Variants in ERBB4 observed in about 807,000 individuals in gnomAD.
The protein encoded by ERBB4 is receptor tyrosine-protein kinase erbB-4.
A neutral mutation model predicts 158.0 loss-of-function variants in ERBB4; 42 were observed. The observed-to-expected ratio is 0.27, with a 90% CI of 0.21 to 0.34. The LOEUF is 0.34. ERBB4 is among the 10% of genes least tolerant of loss of function. The pLI is 1.00. For missense variants in ERBB4, 1,333 were observed against 1,624.1 expected, an observed-to-expected ratio of 0.82 and a Z score of 3.08; for synonymous variants, 583 against 558.7, an observed-to-expected ratio of 1.04 and a Z score of -0.61.
intron 1 of ERBB4, among the ~76,000 whole-genome samples, chr2:212,515,645 T>C (rs1213935387): frequency 6.6e-6 from 1 of 151,948 alleles, no homozygotes; most frequent in Non-Finnish European, 1.5e-5. Flanking sequence ...CACTAGTATA[T>C]TGATATTCAA....
At chr2:212,160,487 A>C (rs1018556521) in intron 1 of ERBB4, among the ~76,000 whole-genome samples, 1 of 152,016 alleles carries the variant, frequency 6.6e-6, no homozygotes, top group African/African-American at 2.4e-5. Context: ...CACACACACA[A>C]AAAGTCTTAT....
At chr2:211,563,539 T>A (rs1419119641) in intron 19 of ERBB4, among the ~76,000 whole-genome samples, 1 of 152,194 alleles carries the variant, frequency 6.6e-6, no homozygotes, top group East Asian at 1.9e-4. Context: ...CAATGTTGCA[T>A]CTTTGGCTCT....
intron 1 of ERBB4, among the ~76,000 whole-genome samples, chr2:212,191,569 C>CGTGTT (rs1559701303): frequency 1.1e-3 from 26 of 23,002 alleles, no homozygotes; most frequent in African/African-American, 2.0e-3. Context: ...ATATATAACA[C>CGTGTT]ATGTGTTATG....
intron 4 of ERBB4, among the ~76,000 whole-genome samples, chr2:211,762,646 G>A (rs1245099562): frequency 6.6e-6 from 1 of 152,162 alleles, no homozygotes; most frequent in Non-Finnish European, 1.5e-5. Flanking sequence ...GGTCCCTGAG[G>A]AACTGTAACC....
At chr2:212,517,818 G>A (rs1691930031) in intron 1 of ERBB4, among the ~76,000 whole-genome samples, 2 of 152,034 alleles carry the variant, frequency 1.3e-5, no homozygotes, top group African/African-American at 4.8e-5. Context: ...TGTGTGGAGT[G>A]TTATTTATTT....
At chr2:211,818,222 G>A (rs763956289) in intron 3 of ERBB4, among the ~76,000 whole-genome samples, 14 of 152,052 alleles carry the variant, frequency 9.2e-5, no homozygotes, top group Non-Finnish European at 1.9e-4. Context: ...CTATGTTTAA[G>A]TATTAGGAAA....
intron 1 of ERBB4, among the ~76,000 whole-genome samples, chr2:212,134,678 T>A (rs2080215183): frequency 8.0e-5 from 2 of 25,090 alleles, no homozygotes; most frequent in Non-Finnish European, 2.1e-4. Flanking sequence ...AACACTTTCT[T>A]TTTTTTTTTT....
chr2:211,880,215 T>C (rs773244398), intron 3 of ERBB4, among the ~76,000 whole-genome samples: 16 of 152,168 alleles, frequency 1.1e-4, no homozygotes, highest in Non-Finnish European at 1.9e-4. Context: ...AAACATTCTT[T>C]AACAGTAGGT....
chr2:212,061,476 A>G (rs1177865679), intron 2 of ERBB4, among the ~76,000 whole-genome samples: 2 of 149,832 alleles, frequency 1.3e-5, no homozygotes, highest in Admixed American at 6.6e-5. Flanking sequence ...AAAAAAAAAA[A>G]AAAAAAAGCT....
intron 20 of ERBB4, among the ~76,000 whole-genome samples, chr2:211,487,796 G>T (rs369159370): frequency 6.6e-6 from 1 of 152,206 alleles, no homozygotes; most frequent in East Asian, 1.9e-4. Flanking sequence ...AGGGCTGCGG[G>T]GGTTATGGAA....
chr2:211,968,320 T>G (rs1021216567), intron 2 of ERBB4, among the ~76,000 whole-genome samples: 11 of 152,016 alleles, frequency 7.2e-5, no homozygotes, highest in Admixed American at 5.9e-4. Context: ...TTGTTCTGGA[T>G]AGTGAAGCAA....
At chr2:211,509,338 A>G (rs997741210) in intron 20 of ERBB4, among the ~76,000 whole-genome samples, 19 of 152,148 alleles carry the variant, frequency 1.2e-4, no homozygotes, top group African/African-American at 4.6e-4. Context: ...GTATCCCAGA[A>G]CTTAAAGCAA....
At chr2:212,114,100 C>T (rs1367782149) in intron 2 of ERBB4, among the ~76,000 whole-genome samples, 2 of 152,202 alleles carry the variant, frequency 1.3e-5, no homozygotes, top group South Asian at 4.1e-4. Flanking sequence ...TAGACATGGG[C>T]TTTGTCTGGT....
chr2:212,071,443 A>C (rs2125446228), intron 2 of ERBB4, among the ~76,000 whole-genome samples: 1 of 152,072 alleles, frequency 6.6e-6, no homozygotes, highest in African/African-American at 2.4e-5. Context: ...TCAAAGACAT[A>C]ATACATTTAC....
intron 1 of ERBB4, among the ~76,000 whole-genome samples, chr2:212,429,921 A>AG (rs1257402665): frequency 6.6e-6 from 1 of 152,248 alleles, no homozygotes; most frequent in Non-Finnish European, 1.5e-5. Flanking sequence ...TATCTGTTAT[A>AG]GTTTGCCTTC....
intron 16 of ERBB4, among the ~76,000 whole-genome samples, chr2:211,634,429 C>A (rs764154253): frequency 3.9e-5 from 6 of 152,046 alleles, no homozygotes; most frequent in African/African-American, 4.8e-5. Context: ...AAAGTTAATA[C>A]TATTTTCACA....
chr2:212,044,817 C>G (rs1575558564), intron 2 of ERBB4, among the ~76,000 whole-genome samples: 1 of 152,132 alleles, frequency 6.6e-6, no homozygotes. Context: ...CATAAATGAC[C>G]CTGATTGAAG....
chr2:211,935,493 C>G (rs1473730397), intron 3 of ERBB4, among the ~76,000 whole-genome samples: 1 of 152,168 alleles, frequency 6.6e-6, no homozygotes, highest in Non-Finnish European at 1.5e-5. Context: ...TTCAGGCTCC[C>G]TGGTCTTTGG....
At chr2:212,149,889 C>A (rs1159053881) in intron 1 of ERBB4, among the ~76,000 whole-genome samples, 1 of 152,070 alleles carries the variant, frequency 6.6e-6, no homozygotes, top group Non-Finnish European at 1.5e-5. Context: ...GGAATAAGAA[C>A]ATGCAAGTCA....
Sources: gnomAD v4.1 joint callset for allele counts (sites outside exome capture counted in the v4.1 genomes callset) on GRCh38, gnomAD v4.1.1 for gene constraint, MANE v1.5 for transcripts, NCBI Gene and HGNC (gene_info 2026-07-23, HGNC 2026-07-21) for gene names.